The following NCOR2 variants were observed in gnomAD, a reference collection of about 807,000 sequenced individuals.
NCOR2 encodes the protein nuclear receptor corepressor 2.
NCOR2 carries 81 observed loss-of-function variants against 262.9 expected under a neutral mutation model. That is an observed-to-expected ratio of 0.31 (90% CI 0.26 to 0.37). The LOEUF (loss-of-function observed/expected upper bound fraction) is 0.37, where lower values mean the gene tolerates loss of function less well. NCOR2 is among the 10% of genes least tolerant of loss of function. NCOR2 has a pLI of 1.00. For synonymous variants in NCOR2, 1,659 were observed against 1,559.3 expected (o/e 1.06, Z -1.51); for missense variants, 3,385 against 3,621.4 (o/e 0.93, Z 1.68).
At chr12:124,521,003 C>T (rs1178435437) in intron 1 of NCOR2, among the ~76,000 whole-genome samples, 1 of 152,198 alleles carries the variant, frequency 6.6e-6, no homozygotes, top group Admixed American at 6.5e-5. Context: ...GGCAAGGCCC[C>T]CAGCCTCTCG....
intron 3 of NCOR2, among the ~76,000 whole-genome samples, chr12:124,476,490 G>A (rs1013151034): frequency 6.6e-6 from 1 of 152,190 alleles, no homozygotes; most frequent in South Asian, 2.1e-4. Context: ...TGGGGGCCAG[G>A]CCACCCTAAA....
chr12:124,467,082 ATCC>A (rs1345114979), intron 4 of NCOR2, among the ~76,000 whole-genome samples: 2 of 115,336 alleles, frequency 1.7e-5, no homozygotes, highest in African/African-American at 3.4e-5. Flanking sequence ...CATCATCTTC[ATCC>A]TCATCACCCT....
Position 124,407,197 on chromosome 12 carries a change from C to T in NCOR2, c.1483-4636G>A, listed in dbSNP as rs569565988. Among the ~76,000 whole-genome samples, 9 of 152,352 alleles carry T rather than the reference C, an allele frequency of 5.9e-5. No homozygotes were observed. In the East Asian group the frequency reaches 1.7e-3, roughly 29 times the overall value. On this transcript the variant is annotated intron_variant, in intron 13 of 46. Transcript: ENST00000405201. The stretch of plus-strand genomic sequence containing the variant: ...CCTGAACCCCCAAGGGGCACACCAG[C>T]CACAGAAAGATGTGGCCCCCAACTG...
intron 37 of NCOR2, among the ~76,000 whole-genome samples, chr12:124,339,298 CCCATCCATCCATCCATCCAT>C (rs147095017): frequency 1.4e-4 from 18 of 129,666 alleles, no homozygotes; most frequent in South Asian, 2.6e-4. Context: ...CAACCACCTG[CCCATCCATCCATCCATCCAT>C]CCATCCATCC....
chr12:124,545,914 CAG>C (rs1348775520), intron 1 of NCOR2, among the ~76,000 whole-genome samples: 1 of 152,214 alleles, frequency 6.6e-6, no homozygotes, highest in East Asian at 1.9e-4. Flanking sequence ...GGCCCCACCT[CAG>C]AGTCTCCGTG....
At chr12:124,445,295 C>A (rs1410923460) in intron 7 of NCOR2, among the ~76,000 whole-genome samples, 2 of 152,206 alleles carry the variant, frequency 1.3e-5, no homozygotes, top group Admixed American at 1.3e-4. Context: ...GGGGCCCATC[C>A]CTCGATGGAG....
In NCOR2 at chr12:124,391,868, G is replaced by A. The variant is rs536371489; in HGVS notation, c.1877-5981C>T. Among the ~76,000 whole-genome samples the A allele has an allele frequency of 2.0e-5, 3 of 152,322 alleles. No individual in the cohort carries two copies. The East Asian group carries it at 5.8e-4, about 29-fold the overall frequency. ...CGCCTACCATTTCCGGAAGTGCCAC[G>A]TTACACCTTTCAATGTCACGTTTTC... On this transcript the variant is annotated intron_variant, in intron 16 of 46. Transcript: ENST00000405201.
chr12:124,483,811 T>G lies in NCOR2; in HGVS notation c.234-38A>C. The stretch of plus-strand genomic sequence containing the variant: ...AGGCATCCAACGTCACATAGGAGAT[T>G]GCGGCTCTGAGAACTCCCGAGGCCC... On this transcript the variant is annotated intron_variant, in intron 2 of 46. Transcript: ENST00000405201. The surrounding 1 kb of genome is among the most constrained non-coding windows in gnomAD (Gnocchi z 6.3). 6.5e-7 allele frequency: 1 copy of G among 1,529,538 alleles called. No homozygotes were observed. The highest frequency in any genetic ancestry group is 8.8e-7 in the Non-Finnish European group (1 of 1,137,284). The allele number at this position is 1,529,538 out of a possible 1,614,324, so 94.7% of individuals were successfully genotyped here. A position where few individuals can be genotyped will look rare whatever the true frequency, so the allele number is the denominator to read the frequency against.
At chr12:124,392,007 T>G (rs1350242143) in intron 16 of NCOR2, among the ~76,000 whole-genome samples, 2 of 152,236 alleles carry the variant, frequency 1.3e-5, no homozygotes, top group Non-Finnish European at 2.9e-5. Context: ...GGCCTTGGTC[T>G]TCTCCTGTGC....
At position 124,482,867 on chromosome 12, in the gene NCOR2, C is replaced by T. The variant is rs866912309; in HGVS notation, c.411+729G>A. Among the ~76,000 whole-genome samples, 2 of 152,164 alleles carry T rather than the reference C, an allele frequency of 1.3e-5. No homozygotes were observed. Among genetic ancestry groups the T allele is most frequent in the South Asian group, 4.1e-4 (2 of 4,830 alleles). On this transcript the variant is annotated intron_variant, in intron 3 of 46. Coordinates refer to ENST00000405201, the Ensembl canonical transcript of NCOR2. The surrounding 1 kb of genome is among the most constrained non-coding windows in gnomAD (Gnocchi z 6.3). ...CAACCCACGCTAGCCCAGTGCCACA[C>T]GGTGGCCCAAGGAGCAGCCAGACTG...
At chr12:124,431,445 CAG>C (rs1191791721) in intron 8 of NCOR2, among the ~76,000 whole-genome samples, 2 of 145,224 alleles carry the variant, frequency 1.4e-5, no homozygotes, top group African/African-American at 2.8e-5. Context: ...CACAGGCAGA[CAG>C]ACAGTCATAT....
At chr12:124,374,143 G>GA (rs1333259144) in intron 19 of NCOR2, among the ~76,000 whole-genome samples, 1 of 152,210 alleles carries the variant, frequency 6.6e-6, no homozygotes, top group African/African-American at 2.4e-5. Flanking sequence ...TGCTATCAGG[G>GA]AAATCAAACC....
intron 16 of NCOR2, among the ~76,000 whole-genome samples, chr12:124,396,733 G>A (rs2041687817): frequency 6.6e-6 from 1 of 152,088 alleles, no homozygotes; most frequent in Non-Finnish European, 1.5e-5. Flanking sequence ...GGGTCCCGGG[G>A]TGAGGGCGGG....
At chr12:124,562,364 T>C (rs930434583) in intron 1 of NCOR2, 1 of 152,138 alleles carries the variant, frequency 6.6e-6, no homozygotes, top group African/African-American at 2.4e-5. Flanking sequence ...TTATTTTCTT[T>C]CCCTCCCTTT....
intron 37 of NCOR2, among the ~76,000 whole-genome samples, chr12:124,339,172 C>G (rs2036173605): frequency 6.7e-6 from 1 of 148,792 alleles, no homozygotes; most frequent in Non-Finnish European, 1.5e-5. Context: ...ACCCAGCCAT[C>G]TATCCTCTTA....
chr12:124,369,393 C>G (rs1319060121), intron 20 of NCOR2, among the ~76,000 whole-genome samples: 1 of 152,086 alleles, frequency 6.6e-6, no homozygotes, highest in African/African-American at 2.4e-5. Context: ...CATCCAGGAA[C>G]ACAGAGCTCC....
chr12:124,501,037 A>G (rs1172127296), intron 1 of NCOR2, among the ~76,000 whole-genome samples: 5 of 149,694 alleles, frequency 3.3e-5, no homozygotes, highest in Non-Finnish European at 5.9e-5. Context: ...GAGAGCGCCC[A>G]CGGCACGAGC....
chr12:124,506,342 GGC>G (rs1458027023), intron 1 of NCOR2, among the ~76,000 whole-genome samples: 1 of 151,650 alleles, frequency 6.6e-6, no homozygotes, highest in Non-Finnish European at 1.5e-5. Context: ...AAAGGGAAGT[GGC>G]GTTGGTCGGA....
intron 1 of NCOR2, among the ~76,000 whole-genome samples, chr12:124,541,987 G>A (rs1401195155): frequency 1.3e-5 from 2 of 151,410 alleles, no homozygotes; most frequent in African/African-American, 2.4e-5. Context: ...GGGGAGCCAC[G>A]TGCTCCAGTG....
Sources: gnomAD v4.1 joint callset for allele counts (sites outside exome capture counted in the v4.1 genomes callset) on GRCh38, gnomAD v4.1.1 for gene constraint, Gnocchi (gnomAD v3.1) non-coding constraint, MANE v1.5 for transcripts, NCBI Gene and HGNC (gene_info 2026-07-23, HGNC 2026-07-21) for gene names.